RGS22: variants seen among roughly 807,000 people sequenced by gnomAD.
RGS22 encodes regulator of G protein signaling 22, also known as regulator of G-protein signaling 22.
Under a neutral mutation model 172.9 loss-of-function variants are expected in RGS22, and 148 were observed. That is an observed-to-expected ratio of 0.86 (90% CI 0.75 to 0.98). The LOEUF (loss-of-function observed/expected upper bound fraction) is 0.98, where lower values mean the gene tolerates loss of function less well. Among genes scored for constraint, RGS22 ranks in the 50% least tolerant of loss-of-function variants. The pLI is 0.00. For synonymous variants in RGS22, 458 were observed against 480.2 expected, an observed-to-expected ratio of 0.95 and a Z score of 0.60; for missense variants, 1,347 against 1,440.8, an observed-to-expected ratio of 0.93 and a Z score of 1.05.
intron 12 of RGS22, among the ~76,000 whole-genome samples, chr8:100,041,315 C>T (rs1276955524): frequency 6.6e-6 from 1 of 151,950 alleles, no homozygotes; most frequent in Non-Finnish European, 1.5e-5. Flanking sequence ...ATGGTGAAAC[C>T]CCATCTCTAC....
chr8:100,030,468 T>C (rs1476304632), intron 14 of RGS22, among the ~76,000 whole-genome samples: 2 of 152,196 alleles, frequency 1.3e-5, no homozygotes, highest in African/African-American at 4.8e-5. Flanking sequence ...TCACAGGAGA[T>C]GACAGCTCCA....
At chr8:100,089,354 GA>G (rs1812398218) in intron 3 of RGS22, among the ~76,000 whole-genome samples, 2 of 152,076 alleles carry the variant, frequency 1.3e-5, no homozygotes, top group Admixed American at 1.3e-4. Context: ...TATGGTGAGT[GA>G]AAATCAAATC....
chr8:100,080,034 A>T (rs1043200820), intron 4 of RGS22, 100 bp downstream of exon 4: 1 of 811,352 alleles, frequency 1.2e-6, no homozygotes, highest in African/African-American at 1.7e-5. Flanking sequence ...ACAAGCTAAT[A>T]AATGTAGCTA....
chr8:100,045,518 G>A (rs945618613), intron 11 of RGS22, among the ~76,000 whole-genome samples: 2 of 151,904 alleles, frequency 1.3e-5, no homozygotes, highest in Non-Finnish European at 2.9e-5. Context: ...AAGAAATACT[G>A]TTTTTAAAAT....
chr8:100,063,911 G>A lies in RGS22; in HGVS notation c.857C>T (p.Pro286Leu). Residue 286 changes from proline (P) to leucine (L), a missense_variant, in exon 8 of 28, where the codon CCT becomes CTT. By Grantham distance (98) the Pro-to-Leu change is moderately conservative (BLOSUM62 -3). Coordinates refer to ENST00000360863, the MANE Select transcript of RGS22 (RefSeq NM_015668.5). ...EEVSVSLQDT[P>L]SQALLRVYLE... ...GTATACTCTCAGAAGAGCTTGAGAA[G>A]GAGTGTCTTGTAGAGATACAGACAC... 1 of 1,607,980 alleles carries A rather than the reference G, an allele frequency of 6.2e-7. No individual in the cohort carries two copies. The highest frequency in any genetic ancestry group is 8.5e-7 in the Non-Finnish European group (1 of 1,177,122).
chr8:100,001,202 T>TTATATATATATATATATACATATA (rs1554611095), intron 18 of RGS22, among the ~76,000 whole-genome samples: 3 of 124,776 alleles, frequency 2.4e-5, no homozygotes, highest in Non-Finnish European at 4.9e-5. Flanking sequence ...TCCCAATTTT[T>TTATATATATATATATATACATATA]TATATATATA....
intron 14 of RGS22, among the ~76,000 whole-genome samples, chr8:100,028,824 T>C (rs1007700839): frequency 6.6e-6 from 1 of 152,202 alleles, no homozygotes; most frequent in Non-Finnish European, 1.5e-5. Context: ...TATCTCCTAG[T>C]ATTCATACCC....
intron 14 of RGS22, among the ~76,000 whole-genome samples, chr8:100,034,076 A>G (rs1217432048): frequency 2.0e-5 from 3 of 152,194 alleles, no homozygotes; most frequent in Admixed American, 2.0e-4. Flanking sequence ...GCCCTCTCTC[A>G]CCACTCCTAT....
intron 3 of RGS22, among the ~76,000 whole-genome samples, chr8:100,081,909 CTT>C (rs201340859): frequency 3.8e-4 from 48 of 125,324 alleles, no homozygotes; most frequent in Non-Finnish European, 6.0e-4. Flanking sequence ...TATTGTTTTC[CTT>C]TTTTTTTTTT....
intron 14 of RGS22, among the ~76,000 whole-genome samples, chr8:100,032,059 A>G (rs888723591): frequency 5.9e-5 from 9 of 152,230 alleles, no homozygotes; most frequent in African/African-American, 2.2e-4. Flanking sequence ...GCCACTGCAA[A>G]AACATACCAA....
chr8:100,095,884 A>G (rs1385754332), intron 2 of RGS22, among the ~76,000 whole-genome samples: 6 of 152,240 alleles, frequency 3.9e-5, no homozygotes, highest in Non-Finnish European at 8.8e-5. Context: ...AACCTCAGCA[A>G]TTCCGTTGAT....
At position 100,104,971 on chromosome 8, in the gene RGS22, C is replaced by G. The variant is rs146875190; in HGVS notation, c.54+403G>C. Among the ~76,000 whole-genome samples, 16 of 152,322 alleles carry G rather than the reference C, an allele frequency of 1.1e-4. 1 individual carries two copies. In the East Asian group the frequency reaches 3.1e-3, roughly 29 times the overall value. On this transcript the variant is annotated intron_variant, in intron 2 of 27. Transcript: ENST00000360863. ...AAGTCTGAAATGGGAGTATTTAGTACATTTGTAAAGGAATGATAAATTGAC... is the reference window on the plus strand; with the variant it reads ...AAGTCTGAAATGGGAGTATTTAGTAGATTTGTAAAGGAATGATAAATTGAC...
chr8:99,967,611 G>T (rs575466867), intron 23 of RGS22, among the ~76,000 whole-genome samples: 1 of 152,166 alleles, frequency 6.6e-6, no homozygotes, highest in Non-Finnish European at 1.5e-5. Context: ...TAAGTAAACC[G>T]CTGGGAAGTT....
At chr8:99,992,185 T>C (rs1473493643) in intron 20 of RGS22, among the ~76,000 whole-genome samples, 3 of 152,184 alleles carry the variant, frequency 2.0e-5, no homozygotes, top group African/African-American at 7.2e-5. Context: ...AGACCATTAA[T>C]GCTATGAAGA....
rs141638472 is a variant in RGS22, at chr8:100,012,931, G to C, written c.2167-4362C>G. Among the ~76,000 whole-genome samples, 358 of 150,224 alleles carry C rather than the reference G, an allele frequency of 2.4e-3. 3 individuals carry two copies. The highest frequency in any genetic ancestry group is 8.2e-3 in the African/African-American group (337 of 40,870). On this transcript the variant is annotated intron_variant, in intron 14 of 27. Coordinates refer to ENST00000360863, the MANE Select transcript of RGS22 (RefSeq NM_015668.5). ...AAATTCTCATATGTTGAGCATTCTGGTTAGTAAAAGAAAAGTTCTCATATA... is the reference window on the plus strand; with the variant it reads ...AAATTCTCATATGTTGAGCATTCTGCTTAGTAAAAGAAAAGTTCTCATATA...
rs1269861474 is a variant in RGS22, at chr8:100,096,673, T to A, written c.55-3164A>T. Among the ~76,000 whole-genome samples the A allele has an allele frequency of 1.0e-4, 10 of 97,966 alleles. No homozygotes were observed. In the South Asian group the frequency reaches 1.1e-3, roughly 11 times the overall value. The allele number at this position is 97,966 out of a possible 152,430, so 64.3% of individuals were successfully genotyped here. On this transcript the variant is annotated intron_variant, in intron 2 of 27. Coordinates refer to ENST00000360863, the MANE Select transcript of RGS22 (RefSeq NM_015668.5). The stretch of plus-strand genomic sequence containing the variant: ...GGCGCTTAGCTAATTTAAAAAAAAT[T>A]TTTTTTTTTTTTTTTGGTACAGACA...
At chr8:99,967,267 G>A (rs1810841059) in intron 23 of RGS22, among the ~76,000 whole-genome samples, 1 of 151,914 alleles carries the variant, frequency 6.6e-6, no homozygotes, top group Non-Finnish European at 1.5e-5. Context: ...TGCCACCAGT[G>A]CCCTGGGTTT....
chr8:100,060,290 G>A (rs1332346916), intron 9 of RGS22, among the ~76,000 whole-genome samples: 1 of 150,810 alleles, frequency 6.6e-6, no homozygotes, highest in Admixed American at 6.6e-5. Context: ...ATCACACTAT[G>A]AGCACAAGGA....
chr8:99,996,756 GT>G (rs1814443279), intron 19 of RGS22, among the ~76,000 whole-genome samples: 1 of 152,136 alleles, frequency 6.6e-6, no homozygotes, highest in African/African-American at 2.4e-5. Context: ...CTACCCGATT[GT>G]TATTGCCCCA....
Sources: allele counts gnomAD v4.1 joint callset (sites outside exome capture counted in the v4.1 genomes callset), GRCh38; gene constraint gnomAD v4.1.1; transcripts MANE v1.5; gene names NCBI Gene and HGNC (gene_info 2026-07-23, HGNC 2026-07-21).